The following CSMD1 variants were observed in gnomAD, a reference collection of about 807,000 sequenced individuals.
CSMD1 encodes CUB and sushi domain-containing protein 1.
In CSMD1, 213 loss-of-function variants were observed where a neutral mutation model predicts 417.5. The observed-to-expected ratio is 0.51, with a 90% CI of 0.46 to 0.57. CSMD1 has a LOEUF of 0.57. CSMD1 is among the 20% of genes least tolerant of loss of function. The probability of loss-of-function intolerance (pLI) is 0.00; values close to 1 mark genes in which losing one functional copy is unlikely to be tolerated. For synonymous variants in CSMD1, 2,862 were observed against 1,736.8 expected (o/e 1.65, Z -16.11); for missense variants, 6,923 against 4,529.7 (o/e 1.53, Z -15.17).
At chr8:4,210,179 A>G (rs1052753331) in intron 3 of CSMD1, among the ~76,000 whole-genome samples, 9 of 152,274 alleles carry the variant, frequency 5.9e-5, no homozygotes, top group Middle Eastern at 3.4e-3. Flanking sequence ...GCCTCAGCCC[A>G]TCTGTGGGAG....
At chr8:4,825,181 A>G (rs1799752965) in intron 1 of CSMD1, among the ~76,000 whole-genome samples, 1 of 152,116 alleles carries the variant, frequency 6.6e-6, no homozygotes. Context: ...CTTATCTGAC[A>G]TTTTTGAAGA....
At chr8:4,686,910 G>T (rs570269769) in intron 1 of CSMD1, among the ~76,000 whole-genome samples, 48 of 152,300 alleles carry the variant, frequency 3.2e-4, no homozygotes, top group Middle Eastern at 3.4e-3. Context: ...GGATTTCCTG[G>T]TGCTGGAAGA....
chr8:4,903,065 T>C (rs1804999766), intron 1 of CSMD1, among the ~76,000 whole-genome samples: 1 of 151,592 alleles, frequency 6.6e-6, no homozygotes, highest in Non-Finnish European at 1.5e-5. Flanking sequence ...CTTTGAATAC[T>C]GTCATGTATT....
intron 12 of CSMD1, among the ~76,000 whole-genome samples, chr8:3,450,484 C>A (rs1449218372): frequency 6.6e-6 from 1 of 151,024 alleles, no homozygotes; most frequent in African/African-American, 2.5e-5. Context: ...ACAACAGGCC[C>A]TGGTGTGTGA....
At chr8:4,050,537 G>T (rs961190689) in intron 3 of CSMD1, among the ~76,000 whole-genome samples, 1 of 151,992 alleles carries the variant, frequency 6.6e-6, no homozygotes, top group Admixed American at 6.6e-5. Flanking sequence ...AAATCTTTAA[G>T]CATTTATTCT....
intron 2 of CSMD1, among the ~76,000 whole-genome samples, chr8:4,567,582 G>C (rs1450793342): frequency 6.6e-6 from 1 of 152,138 alleles, no homozygotes; most frequent in Non-Finnish European, 1.5e-5. Flanking sequence ...ACAAAATTGA[G>C]CTTGAAAACC....
chr8:4,912,945 C>T (rs928218532), intron 1 of CSMD1, among the ~76,000 whole-genome samples: 1 of 152,100 alleles, frequency 6.6e-6, no homozygotes, highest in Non-Finnish European at 1.5e-5. Context: ...ACCACCTCAC[C>T]CAGCTAATTT....
intron 1 of CSMD1, among the ~76,000 whole-genome samples, chr8:4,898,627 T>A (rs182020968): frequency 1.3e-5 from 2 of 151,832 alleles, no homozygotes; most frequent in Non-Finnish European, 2.9e-5. Flanking sequence ...TGGAATGAAA[T>A]TTTTTTTATG....
intron 18 of CSMD1, among the ~76,000 whole-genome samples, chr8:3,378,084 T>C (rs11990267): frequency 0.18 from 27,227 of 152,060 alleles, 2,396 homozygotes; most frequent in Middle Eastern, 0.24. Context: ...AAGAAGGGTA[T>C]TGAATATTGG....
At chr8:4,110,777 G>T (rs781312520) in intron 3 of CSMD1, among the ~76,000 whole-genome samples, 4 of 151,932 alleles carry the variant, frequency 2.6e-5, no homozygotes, top group Non-Finnish European at 5.9e-5. Flanking sequence ...ACATTCAAAC[G>T]AGAGATATTT....
chr8:4,215,510 T>C (rs996379557), intron 3 of CSMD1, among the ~76,000 whole-genome samples: 4 of 460 alleles, frequency 8.7e-3, no homozygotes, highest in Non-Finnish European at 0.02. Context: ...ATAGAGAGTT[T>C]TTTTTTTTTC....
chr8:3,271,393 G>C (rs1026109294), intron 26 of CSMD1, among the ~76,000 whole-genome samples: 20 of 152,030 alleles, frequency 1.3e-4, no homozygotes, highest in Non-Finnish European at 2.8e-4. Flanking sequence ...AAACATACGT[G>C]TACATGTGTC....
At position 3,476,912 on chromosome 8, in the gene CSMD1, C is replaced by CA. The variant is rs761021655; in HGVS notation, c.1449-8089dup. ...TGAGCAACAGAGCGAAACTCCGCCT[C>CA]AAAAAAAAAAAAAAAAAAAATGTGA... On this transcript the variant is annotated intron_variant, in intron 11 of 69. Transcript: ENST00000635120. Among the ~76,000 whole-genome samples, 1,878 of 126,768 alleles carry CA rather than the reference C, an allele frequency of 0.015. 61 individuals carry two copies. The East Asian group carries it at 0.15, about 10-fold the overall frequency. 83.2% of individuals were successfully genotyped at this position (126,768 alleles called of 152,430 possible).
intron 49 of CSMD1, among the ~76,000 whole-genome samples, chr8:3,084,873 C>G (rs985923653): frequency 1.3e-5 from 2 of 151,664 alleles, no homozygotes; most frequent in African/African-American, 4.8e-5. Context: ...CTTTAATGTT[C>G]AAAAATCCTA....
chr8:3,574,839 A>C (rs1042612641), intron 10 of CSMD1, 106 bp downstream of exon 10: 4 of 1,303,036 alleles, frequency 3.1e-6, no homozygotes, highest in Admixed American at 4.6e-5. Flanking sequence ...AAATTCAAAC[A>C]GTAAAGTGTA....
intron 1 of CSMD1, among the ~76,000 whole-genome samples, chr8:4,783,881 T>G (rs1417777412): frequency 1.3e-5 from 2 of 152,182 alleles, no homozygotes; most frequent in African/African-American, 4.8e-5. Context: ...TATGTCGGCT[T>G]TTGTGACATA....
chr8:4,072,455 CTT>C (rs746357291), intron 3 of CSMD1, among the ~76,000 whole-genome samples: 5 of 152,134 alleles, frequency 3.3e-5, no homozygotes, highest in Admixed American at 6.6e-5. Flanking sequence ...GGGAGATAGA[CTT>C]TATTATTTCG....
intron 3 of CSMD1, among the ~76,000 whole-genome samples, chr8:4,412,621 G>C (rs955934625): frequency 1.3e-5 from 2 of 152,044 alleles, no homozygotes; most frequent in African/African-American, 4.8e-5. Context: ...AAGTTGCAAT[G>C]GTCTATTCCA....
At chr8:3,151,204 TG>T in intron 40 of CSMD1, 192 bp downstream of exon 40, 1 of 510,960 alleles carries the variant, frequency 2.0e-6, no homozygotes, top group Non-Finnish European at 3.5e-6. Flanking sequence ...AAGAGTTGCA[TG>T]GCTTAATTGA....
Sources: gnomAD v4.1 joint callset for allele counts (sites outside exome capture counted in the v4.1 genomes callset) on GRCh38, gnomAD v4.1.1 for gene constraint, MANE v1.5 for transcripts, NCBI Gene and HGNC (gene_info 2026-07-23, HGNC 2026-07-21) for gene names.